Variants in SHMT1 observed in about 807,000 individuals in gnomAD.
SHMT1 encodes serine hydroxymethyltransferase 1, also known as serine hydroxymethyltransferase, cytosolic.
SHMT1 carries 45 observed loss-of-function variants against 49.0 expected under a neutral mutation model. The ratio of observed to expected loss-of-function variants is 0.92; its 90% CI spans 0.72 to 1.18. The LOEUF is 1.18. Ranked by LOEUF, SHMT1 falls within the 50% of genes most tolerant of loss-of-function variation. The pLI is 0.00. For synonymous variants in SHMT1, 232 were observed against 246.6 expected (o/e 0.94, Z 0.55); for missense variants, 541 against 612.4 (o/e 0.88, Z 1.23).
intron 2 of SHMT1, among the ~76,000 whole-genome samples, chr17:18,354,875 T>TAAAAA: frequency 8.5e-6 from 1 of 117,426 alleles, no homozygotes; most frequent in East Asian, 2.6e-4. Flanking sequence ...CCGTCTCTAC[T>TAAAAA]AAAAAAAAAA....
At chr17:18,339,714 C>T (rs1984272363) in intron 7 of SHMT1, among the ~76,000 whole-genome samples, 1 of 152,206 alleles carries the variant, frequency 6.6e-6, no homozygotes, top group Non-Finnish European at 1.5e-5. Flanking sequence ...GTGCCCACCA[C>T]CACACTCGGC....
Position 18,340,726 on chromosome 17 carries a change from C to T in SHMT1, c.601+6G>A. The stretch of plus-strand genomic sequence containing the variant: ...GAACAAGGTGACTTTCCGCCCCGCG[C>T]ATCACCTGCGATGATCAGCTTCGGG... On this transcript the variant is annotated splice_donor_region_variant and intron_variant, in intron 6 of 11. Transcript: ENST00000316694. This position sits in a 1 kb window ranked among gnomAD's most constrained non-coding sequence, Gnocchi z 4.5. The T allele has an allele frequency of 6.2e-7, 1 of 1,610,354 alleles. No individual in the cohort carries two copies. The highest frequency in any genetic ancestry group is 2.2e-5 in the East Asian group (1 of 44,768).
At chr17:18,346,817 A>G (rs917843953) in intron 5 of SHMT1, among the ~76,000 whole-genome samples, 4 of 152,188 alleles carry the variant, frequency 2.6e-5, no homozygotes, top group Admixed American at 2.0e-4. Context: ...GGTGTTGACT[A>G]TCTCATGTAA....
chr17:18,328,780 G>T lies in SHMT1; in HGVS notation c.1422C>A (p.Leu474=). 2 of 1,594,542 alleles carry T rather than the reference G, an allele frequency of 1.3e-6. No homozygotes were observed. The highest frequency in any genetic ancestry group is 1.7e-6 in the Non-Finnish European group (2 of 1,170,000). The change falls in exon 12 of 12, where the codon CTC becomes CTA. Residue 474 remains leucine, a synonymous_variant. Transcript: ENST00000316694. ...AGTCAGGCAGGCCAGGCAGAGGGAA[G>T]AGAGAGGCGAAGCTCTCAACCTCCT... The part of the protein sequence containing the change: ...LREEVESFAS[L]FPLPGLPDF
intron 10 of SHMT1, among the ~76,000 whole-genome samples, chr17:18,330,161 A>G (rs1405736278): frequency 7.5e-6 from 1 of 133,894 alleles, no homozygotes; most frequent in African/African-American, 2.9e-5. Flanking sequence ...TTTTAGACAG[A>G]GTCTCATTCT....
At chr17:18,358,978 G>A (rs1009328058) in intron 1 of SHMT1, among the ~76,000 whole-genome samples, 1 of 152,136 alleles carries the variant, frequency 6.6e-6, no homozygotes, top group Admixed American at 6.6e-5. Context: ...AGGTTGGGCT[G>A]GGCCCAGTGG....
rs1162247865 is a variant in SHMT1, at chr17:18,328,588, G to T, written c.*162C>A. Reference sequence around the variant, plus strand: ...TAACAATGAGACTTAAACAAATTTTGATTTGTGAAGAAAACATGAAAAAAG... The same window carrying T: ...TAACAATGAGACTTAAACAAATTTTTATTTGTGAAGAAAACATGAAAAAAG... On this transcript the variant is annotated 3_prime_UTR_variant, in exon 12 of 12. Coordinates refer to ENST00000316694, the MANE Select transcript of SHMT1 (RefSeq NM_004169.5). The T allele has an allele frequency of 2.8e-6, 2 of 709,020 alleles. No homozygotes were observed. The highest frequency in any genetic ancestry group is 3.6e-5 in the African/African-American group (2 of 55,660). The allele number at this position is 709,020 out of a possible 1,614,324, so 43.9% of individuals were successfully genotyped here. A position where few individuals can be genotyped will look rare whatever the true frequency, so the allele number is the denominator to read the frequency against.
chr17:18,335,764 T>C, intron 7 of SHMT1, 89 bp from the exon 8 acceptor site: 2 of 937,116 alleles, frequency 2.1e-6, no homozygotes, highest in South Asian at 2.6e-5. Context: ...CAGGGAAGAA[T>C]CAAGCACAAG....
intron 8 of SHMT1, among the ~76,000 whole-genome samples, chr17:18,334,752 C>CA (rs1262043501): frequency 6.6e-6 from 1 of 152,164 alleles, no homozygotes; most frequent in Non-Finnish European, 1.5e-5. Context: ...CTTGTGAAAA[C>CA]AACTGGAAAG....
At chr17:18,352,813 G>A (rs1257414029) in intron 3 of SHMT1, among the ~76,000 whole-genome samples, 1 of 147,804 alleles carries the variant, frequency 6.8e-6, no homozygotes, top group Admixed American at 6.8e-5. Context: ...GAAAGACCAT[G>A]TCTCAAAAAA....
chr17:18,351,299 C>A (rs1167290187), intron 3 of SHMT1, among the ~76,000 whole-genome samples: 2 of 151,862 alleles, frequency 1.3e-5, no homozygotes, highest in Admixed American at 1.3e-4. Flanking sequence ...AGCCACCACA[C>A]CTGGCTAATT....
At chr17:18,361,718 G>A (rs1358678468) in intron 1 of SHMT1, among the ~76,000 whole-genome samples, 4 of 151,138 alleles carry the variant, frequency 2.6e-5, no homozygotes, top group African/African-American at 2.4e-5. Context: ...CCCGGGAGGC[G>A]GAGCTTGCAG....
At chr17:18,338,170 G>A (rs1258543091) in intron 7 of SHMT1, among the ~76,000 whole-genome samples, 8 of 148,944 alleles carry the variant, frequency 5.4e-5, no homozygotes, top group Admixed American at 4.0e-4. Flanking sequence ...TGTGGGGAGC[G>A]CCTCTGCCCC....
At chr17:18,334,544 G>A (rs1052840459) in intron 8 of SHMT1, among the ~76,000 whole-genome samples, 4 of 152,228 alleles carry the variant, frequency 2.6e-5, no homozygotes, top group African/African-American at 9.6e-5. Context: ...AGGCCTAAGA[G>A]CCGATGCTCT....
At chr17:18,359,999 G>T (rs1037352667) in intron 1 of SHMT1, among the ~76,000 whole-genome samples, 4 of 151,710 alleles carry the variant, frequency 2.6e-5, no homozygotes, top group African/African-American at 9.7e-5. Flanking sequence ...TGTAACCCCA[G>T]CACTTTGGGA....
intron 8 of SHMT1, among the ~76,000 whole-genome samples, chr17:18,334,435 A>T (rs1983573779): frequency 6.6e-6 from 1 of 152,212 alleles, no homozygotes. Context: ...CCTTTCCCTA[A>T]GCATGGAAGT....
chr17:18,343,814 G>A (rs1984789515), intron 5 of SHMT1, among the ~76,000 whole-genome samples: 2 of 150,844 alleles, frequency 1.3e-5, no homozygotes, highest in African/African-American at 4.9e-5. Context: ...CAGCTACTTG[G>A]GAGGCTGAAG....
chr17:18,353,681 G>T lies in SHMT1; in HGVS notation c.233C>A (p.Pro78Gln). The change falls in exon 3 of 12, where the codon CCG (proline) becomes CAG (glutamine). Residue 78 changes from proline to glutamine, a missense_variant. Coordinates refer to ENST00000316694, the MANE Select transcript of SHMT1 (RefSeq NM_004169.5). ...GAAGATATTCACATACCTCTGGCCC[G>T]GGTACCCCTCAGAGTATTTGTTATT... ...CLNNKYSEGYPGQRYYGGTEF... is the reference protein window; with the variant it reads ...CLNNKYSEGYQGQRYYGGTEF... 6.2e-7 allele frequency: 1 copy of T among 1,614,022 alleles called. No individual in the cohort carries two copies. Among genetic ancestry groups the T allele is most frequent in the Non-Finnish European group, 8.5e-7 (1 of 1,180,006 alleles).
At position 18,333,281 on chromosome 17, in the gene SHMT1, A is replaced by G. The variant is rs751155562; in HGVS notation, c.939T>C (p.Ala313=). The G allele has an allele frequency of 1.2e-6, 2 of 1,613,436 alleles. No individual in the cohort carries two copies. Among genetic ancestry groups the G allele is most frequent in the South Asian group, 2.2e-5 (2 of 91,070 alleles). ...GAGTCATAGCTTGCTTCAGTGCCAC[A>G]GCAACCCCTGGACAAGAAGAGACAA... ...GPHNHAIAGV[A]VALKQAMTLE... Residue 313 remains alanine (A), a synonymous_variant, in exon 9 of 12, where the codon GCT becomes GCC. Coordinates refer to ENST00000316694, the MANE Select transcript of SHMT1 (RefSeq NM_004169.5).
Sources: gnomAD v4.1 joint callset for allele counts (sites outside exome capture counted in the v4.1 genomes callset) on GRCh38, gnomAD v4.1.1 for gene constraint, Gnocchi (gnomAD v3.1) non-coding constraint, MANE v1.5 for transcripts, NCBI Gene and HGNC (gene_info 2026-07-23, HGNC 2026-07-21) for gene names.